The following DYNC2I1 variants were observed in gnomAD, a reference collection of about 807,000 sequenced individuals.
DYNC2I1 encodes the protein dynein 2 intermediate chain 1.
Under a neutral mutation model 133.4 loss-of-function variants are expected in DYNC2I1, and 89 were observed. The observed-to-expected ratio is 0.67, with a 90% confidence interval of 0.56 to 0.80. DYNC2I1 has a LOEUF of 0.80. DYNC2I1 is among the 30% of genes least tolerant of loss of function. The pLI, the probability that DYNC2I1 is intolerant of heterozygous loss-of-function variation, is 0.00. For missense variants in DYNC2I1, 1,291 were observed against 1,314.5 expected (o/e 0.98, Z 0.28); for synonymous variants, 504 against 484.3 (o/e 1.04, Z -0.54).
chr7:158,912,150 C>T (rs1847544730), intron 12 of DYNC2I1, among the ~76,000 whole-genome samples: 1 of 152,138 alleles, frequency 6.6e-6, no homozygotes, highest in African/African-American at 2.4e-5. Flanking sequence ...CTGGGTGAAC[C>T]CTTCCTAGTG....
intron 8 of DYNC2I1, among the ~76,000 whole-genome samples, chr7:158,896,159 G>A (rs970018576): frequency 6.6e-6 from 1 of 152,132 alleles, no homozygotes; most frequent in Non-Finnish European, 1.5e-5. Context: ...AGATGATATA[G>A]TCTTTGTTTT....
rs376228488 is a variant in DYNC2I1, at chr7:158,887,182, T to C, written c.990+107T>C. 3.1e-5 allele frequency: 34 copies of C among 1,087,368 alleles called. No individual in the cohort carries two copies. The African/African-American group carries it at 3.8e-4, about 12-fold the overall frequency. The allele number at this position is 1,087,368 out of a possible 1,614,324, so 67.4% of individuals were successfully genotyped here. ...AACCAGAGGCCGAGACAGGGCTCATTTGCAGATGGTTTATTCGAGTGGTGA... is the reference window on the plus strand; with the variant it reads ...AACCAGAGGCCGAGACAGGGCTCATCTGCAGATGGTTTATTCGAGTGGTGA... On this transcript the variant is annotated intron_variant, in intron 7 of 24. Coordinates refer to ENST00000407559, the MANE Select transcript of DYNC2I1 (RefSeq NM_018051.5).
intron 21 of DYNC2I1, among the ~76,000 whole-genome samples, chr7:158,933,427 G>A (rs984831151): frequency 6.6e-5 from 10 of 152,164 alleles, no homozygotes; most frequent in African/African-American, 1.2e-4. Flanking sequence ...ACCAGGCGAC[G>A]CATTGGGTTT....
chr7:158,873,119 A>G (rs2129477731), intron 3 of DYNC2I1, among the ~76,000 whole-genome samples: 1 of 152,358 alleles, frequency 6.6e-6, no homozygotes, highest in African/African-American at 2.4e-5. Flanking sequence ...AATATTTTCT[A>G]AAAGTGTGTT....
At chr7:158,863,749 G>GGGT in intron 1 of DYNC2I1, among the ~76,000 whole-genome samples, 1 of 104,998 alleles carries the variant, frequency 9.5e-6, no homozygotes, top group African/African-American at 3.7e-5. Flanking sequence ...GGGTGTGTGG[G>GGGT]GGGAAGGGGG....
intron 7 of DYNC2I1, among the ~76,000 whole-genome samples, chr7:158,888,788 GA>G (rs1249824236): frequency 6.6e-6 from 1 of 152,094 alleles, no homozygotes; most frequent in East Asian, 1.9e-4. Flanking sequence ...GTATTTTTAT[GA>G]ATTGCTTTAT....
At chr7:158,901,897 C>A in intron 9 of DYNC2I1, 81 bp downstream of exon 9, 1 of 1,071,226 alleles carries the variant, frequency 9.3e-7, no homozygotes, top group Non-Finnish European at 1.3e-6. Context: ...AATTTGATGT[C>A]CTTTTTATTC....
At chr7:158,926,565 G>C in intron 19 of DYNC2I1, 102 bp downstream of exon 19, 1 of 1,284,062 alleles carries the variant, frequency 7.8e-7, no homozygotes, top group Non-Finnish European at 1.1e-6. Context: ...GTTAGCTGTG[G>C]TGGGAAACGG....
intron 8 of DYNC2I1, among the ~76,000 whole-genome samples, chr7:158,892,818 G>A (rs1412022293): frequency 2.6e-5 from 4 of 151,732 alleles, no homozygotes; most frequent in Non-Finnish European, 5.9e-5. Flanking sequence ...GCGCGTGCCT[G>A]TAATCCCAGC....
intron 24 of DYNC2I1, among the ~76,000 whole-genome samples, chr7:158,944,363 C>T (rs1267296488): frequency 6.6e-6 from 1 of 152,062 alleles, no homozygotes; most frequent in Non-Finnish European, 1.5e-5. Flanking sequence ...GCACATCTGC[C>T]GTAGGTGTAG....
At chr7:158,924,119 G>T (rs937944691) in intron 17 of DYNC2I1, among the ~76,000 whole-genome samples, 3 of 152,344 alleles carry the variant, frequency 2.0e-5, no homozygotes, top group Admixed American at 2.0e-4. Context: ...GCCTCCCTGA[G>T]CCTTGGCTTG....
chr7:158,938,999 T>A, intron 23 of DYNC2I1, among the ~76,000 whole-genome samples: 2 of 152,318 alleles, frequency 1.3e-5, no homozygotes, highest in African/African-American at 4.8e-5. Flanking sequence ...ATAAGTAATT[T>A]AAAAATATAT....
At chr7:158,947,180 A>G (rs556458007), downstream of DYNC2I1, among the ~76,000 whole-genome samples, 8 of 152,316 alleles carry the variant, frequency 5.3e-5, no homozygotes, top group African/African-American at 1.7e-4. Flanking sequence ...TCAGGGTCAC[A>G]GTCACGTGGG....
chr7:158,948,347 A>G (rs1851952961), downstream of DYNC2I1, among the ~76,000 whole-genome samples: 1 of 152,238 alleles, frequency 6.6e-6, no homozygotes, highest in African/African-American at 2.4e-5. Context: ...CAAGGCAGAC[A>G]GCGGTAATTT....
At chr7:158,947,209 C>G (rs930304957), downstream of DYNC2I1, among the ~76,000 whole-genome samples, 1 of 152,076 alleles carries the variant, frequency 6.6e-6, no homozygotes, top group Non-Finnish European at 1.5e-5. Context: ...TGGACAGGCA[C>G]GCGGCCTCTC....
chr7:158,912,532 C>T (rs1042725532), intron 12 of DYNC2I1, among the ~76,000 whole-genome samples: 3 of 152,140 alleles, frequency 2.0e-5, no homozygotes, highest in Non-Finnish European at 4.4e-5. Context: ...GATCATATCT[C>T]ACTGTAGCCT....
intron 1 of DYNC2I1, among the ~76,000 whole-genome samples, chr7:158,864,032 G>A (rs1274097231): frequency 7.0e-6 from 1 of 143,594 alleles, no homozygotes; most frequent in African/African-American, 2.6e-5. Context: ...CCTTAGCTCT[G>A]GGTGTGGCGG....
intron 2 of DYNC2I1, among the ~76,000 whole-genome samples, chr7:158,870,879 G>A (rs765944914): frequency 6.6e-6 from 1 of 152,068 alleles, no homozygotes; most frequent in Non-Finnish European, 1.5e-5. Flanking sequence ...GATTTGATTT[G>A]CCGATCAGTG....
chr7:158,857,523 A>G (rs62475641), intron 1 of DYNC2I1, among the ~76,000 whole-genome samples: 3,278 of 149,334 alleles, frequency 0.022, 66 homozygotes, highest in Admixed American at 0.053. Context: ...TTTATGTTAT[A>G]TAAACCTTAG....
Sources: gnomAD v4.1 joint callset for allele counts (sites outside exome capture counted in the v4.1 genomes callset) on GRCh38, gnomAD v4.1.1 for gene constraint, MANE v1.5 for transcripts, NCBI Gene and HGNC (gene_info 2026-07-23, HGNC 2026-07-21) for gene names.